Variants in TRIO observed in about 807,000 individuals in gnomAD.
The protein encoded by TRIO is trio Rho guanine nucleotide exchange factor.
Under a neutral mutation model 351.9 loss-of-function variants are expected in TRIO, and 58 were observed. The observed-to-expected ratio is 0.16, with a 90% CI of 0.13 to 0.21. TRIO has a LOEUF of 0.21. Among genes scored for constraint, TRIO ranks in the 10% least tolerant of loss-of-function variants. The pLI is 1.00. For synonymous variants in TRIO, 1,758 were observed against 1,595.7 expected, an observed-to-expected ratio of 1.10 and a Z score of -2.42; for missense variants, 3,201 against 4,027.8, an observed-to-expected ratio of 0.79 and a Z score of 5.56.
chr5:14,187,393 T>C (rs934579312), intron 1 of TRIO, among the ~76,000 whole-genome samples: 8 of 152,178 alleles, frequency 5.3e-5, no homozygotes, highest in Admixed American at 2.0e-4. Context: ...ACAGAGAGAA[T>C]TGCCAGTCTT....
intron 1 of TRIO, among the ~76,000 whole-genome samples, chr5:14,223,556 T>G (rs374987907): frequency 2.6e-5 from 4 of 152,124 alleles, no homozygotes; most frequent in African/African-American, 9.7e-5. Flanking sequence ...TTCAAGTTAA[T>G]CTTATTACGT....
chr5:14,162,835 C>G (rs1177795904), intron 1 of TRIO, among the ~76,000 whole-genome samples: 1 of 151,904 alleles, frequency 6.6e-6, no homozygotes, highest in Admixed American at 6.6e-5. Flanking sequence ...GAGACAGTGT[C>G]TCTCTCTCTT....
chr5:14,324,088 C>T lies in TRIO; in HGVS notation c.1732-6690C>T, dbSNP rs552185975. On this transcript the variant is annotated intron_variant, in intron 9 of 56. Transcript: ENST00000344204. ...ATGTTCATTTCTCTATCAGTTTCCC[C>T]AGCGATTTAAATAAAAGACAGTGAC... Among the ~76,000 whole-genome samples the T allele has an allele frequency of 2.6e-5, 4 of 152,236 alleles. No homozygotes were observed. In the South Asian group the frequency reaches 8.3e-4, roughly 32 times the overall value.
chr5:14,349,965 A>T (rs1479476453), intron 11 of TRIO, among the ~76,000 whole-genome samples: 1 of 152,224 alleles, frequency 6.6e-6, no homozygotes, highest in Non-Finnish European at 1.5e-5. Flanking sequence ...CTTGTAAGTG[A>T]GAACATGGGT....
intron 1 of TRIO, among the ~76,000 whole-genome samples, chr5:14,169,741 A>G (rs1291039401): frequency 6.6e-6 from 1 of 152,222 alleles, no homozygotes; most frequent in Non-Finnish European, 1.5e-5. Context: ...AGGATCACCC[A>G]CTGATGGATT....
At chr5:14,347,582 C>T (rs1042094339) in intron 11 of TRIO, among the ~76,000 whole-genome samples, 11 of 152,242 alleles carry the variant, frequency 7.2e-5, no homozygotes, top group Non-Finnish European at 1.0e-4. Flanking sequence ...GTGTTAAGCG[C>T]TATTTTTCTT....
chr5:14,433,250 G>T (rs1751321593), intron 34 of TRIO, among the ~76,000 whole-genome samples: 1 of 152,230 alleles, frequency 6.6e-6, no homozygotes, highest in Admixed American at 6.5e-5. Context: ...GCACCCACAT[G>T]AAGAGTTTGA....
chr5:14,196,009 T>A (rs1790747926), intron 1 of TRIO, among the ~76,000 whole-genome samples: 1 of 152,270 alleles, frequency 6.6e-6, no homozygotes, highest in Non-Finnish European at 1.5e-5. Flanking sequence ...TTTATGATGG[T>A]TGCCTTTGGG....
intron 21 of TRIO, among the ~76,000 whole-genome samples, chr5:14,383,201 G>A (rs978369208): frequency 9.2e-5 from 14 of 152,108 alleles, no homozygotes; most frequent in South Asian, 2.1e-4. Flanking sequence ...TGGTGTGTGC[G>A]CCTAAAGTCC....
At chr5:14,177,135 C>G (rs1456008932) in intron 1 of TRIO, among the ~76,000 whole-genome samples, 2 of 152,168 alleles carry the variant, frequency 1.3e-5, no homozygotes, top group Non-Finnish European at 2.9e-5. Context: ...GGTGAGCATA[C>G]AGTTATGCCC....
At chr5:14,390,779 T>C (rs1030656640) in intron 26 of TRIO, 122 bp from the exon 27 acceptor site, 23 of 745,756 alleles carry the variant, frequency 3.1e-5, no homozygotes, top group Non-Finnish European at 3.8e-5. Flanking sequence ...CTTTTTAAAA[T>C]AGAGTCTCTT....
intron 11 of TRIO, among the ~76,000 whole-genome samples, chr5:14,357,106 C>T (rs368415592): frequency 1.3e-5 from 2 of 152,296 alleles, no homozygotes; most frequent in South Asian, 2.1e-4. Flanking sequence ...TCAGTAAAGC[C>T]GTTTTGTAAA....
At chr5:14,345,463 CT>C (rs535874387) in intron 11 of TRIO, among the ~76,000 whole-genome samples, 46 of 152,086 alleles carry the variant, frequency 3.0e-4, no homozygotes, top group African/African-American at 1.0e-3. Flanking sequence ...GTCAGTAGGA[CT>C]TGATTAATGT....
At chr5:14,374,392 A>G in intron 19 of TRIO, 49 bp downstream of exon 19, 4 of 1,447,764 alleles carry the variant, frequency 2.8e-6, no homozygotes, top group Non-Finnish European at 3.8e-6. Flanking sequence ...ATGCCTGGCA[A>G]GAGACAAAAG....
At chr5:14,363,142 GCACATGC>G (rs910523687) in intron 13 of TRIO, among the ~76,000 whole-genome samples, 3 of 151,942 alleles carry the variant, frequency 2.0e-5, no homozygotes, top group Non-Finnish European at 4.4e-5. Flanking sequence ...GGGACTACAG[GCACATGC>G]CACCACGCCC....
intron 41 of TRIO, among the ~76,000 whole-genome samples, chr5:14,478,825 G>A (rs1755298832): frequency 6.6e-6 from 1 of 151,854 alleles, no homozygotes; most frequent in Non-Finnish European, 1.5e-5. Flanking sequence ...AGCCGGGCAT[G>A]GTGATGCACA....
At chr5:14,455,350 G>A (rs1261316629) in intron 34 of TRIO, among the ~76,000 whole-genome samples, 1 of 152,202 alleles carries the variant, frequency 6.6e-6, no homozygotes, top group East Asian at 1.9e-4. Flanking sequence ...TAGACACAGA[G>A]TGCTGATTGG....
chr5:14,193,511 G>A (rs1248972540), intron 1 of TRIO, among the ~76,000 whole-genome samples: 1 of 152,080 alleles, frequency 6.6e-6, no homozygotes, highest in Non-Finnish European at 1.5e-5. Flanking sequence ...TTCTAAAGCT[G>A]GCTAGTTTTT....
chr5:14,385,452 G>A (rs1746458564), intron 21 of TRIO, among the ~76,000 whole-genome samples: 1 of 152,226 alleles, frequency 6.6e-6, no homozygotes, highest in Admixed American at 6.5e-5. Context: ...CTTTAGTTCT[G>A]ATCAGGAAGG....
Sources: allele counts gnomAD v4.1 joint callset (sites outside exome capture counted in the v4.1 genomes callset), GRCh38; gene constraint gnomAD v4.1.1; transcripts MANE v1.5; gene names NCBI Gene and HGNC (gene_info 2026-07-23, HGNC 2026-07-21).